Variants in PRH1 observed in about 807,000 individuals in gnomAD.
PRH1 encodes salivary acidic proline-rich phosphoprotein 1/2.
In PRH1, 7 loss-of-function variants were observed where a neutral mutation model predicts 7.9. The ratio of observed to expected loss-of-function variants is 0.89; its 90% CI spans 0.50 to 1.67. The LOEUF (loss-of-function observed/expected upper bound fraction) is 1.67. Ranked by LOEUF, PRH1 falls within the 40% of genes most tolerant of loss-of-function variation. The pLI, the probability that PRH1 is intolerant of heterozygous loss-of-function variation, is 0.00. For synonymous variants in PRH1, 45 were observed against 80.8 expected, an observed-to-expected ratio of 0.56 and a Z score of 2.38; for missense variants, 109 against 223.6, an observed-to-expected ratio of 0.49 and a Z score of 3.27.
chr12:10,967,443 G>T (rs530401917), intron 2 of PRH1, among the ~76,000 whole-genome samples: 6 of 152,276 alleles, frequency 3.9e-5, no homozygotes, highest in Middle Eastern at 6.8e-3. Flanking sequence ...GCAAGACGTG[G>T]AACATTGCAA....
chr12:10,945,423 G>A (rs904600394), intron 2 of PRH1, among the ~76,000 whole-genome samples: 1 of 152,132 alleles, frequency 6.6e-6, no homozygotes, highest in Non-Finnish European at 1.5e-5. Flanking sequence ...GACATCACAT[G>A]TTGGCAGGTT....
chr12:11,041,712 T>C (rs944657672), intron 1 of PRH1, among the ~76,000 whole-genome samples: 7 of 152,208 alleles, frequency 4.6e-5, no homozygotes, highest in African/African-American at 1.7e-4. Context: ...TTCTCAAGGA[T>C]AGACCATATG....
chr12:10,968,251 T>C (rs1450973858), intron 2 of PRH1, among the ~76,000 whole-genome samples: 1 of 152,268 alleles, frequency 6.6e-6, no homozygotes, highest in Non-Finnish European at 1.5e-5. Flanking sequence ...TCTTAAGCAA[T>C]GTATTTTAAA....
intron 1 of PRH1, among the ~76,000 whole-genome samples, chr12:11,149,107 G>C (rs1465416926): frequency 1.3e-5 from 2 of 151,600 alleles, no homozygotes; most frequent in African/African-American, 2.4e-5. Context: ...ATGGTAGTTT[G>C]TATTTCTGTG....
At chr12:10,886,407 G>T (rs547819296), upstream of PRH1, among the ~76,000 whole-genome samples, 2 of 152,200 alleles carry the variant, frequency 1.3e-5, no homozygotes, top group Non-Finnish European at 2.9e-5. Flanking sequence ...TCCTCCTAAA[G>T]GTCACTCAGC....
chr12:10,938,826 T>G, intron 2 of PRH1: 1 of 1,613,582 alleles, frequency 6.2e-7, no homozygotes, highest in Non-Finnish European at 8.5e-7. Flanking sequence ...AAAACCACCT[T>G]TTTAACCCTC....
chr12:11,016,618 G>A (rs1941308429), intron 1 of PRH1, among the ~76,000 whole-genome samples: 2 of 141,940 alleles, frequency 1.4e-5, no homozygotes, highest in South Asian at 4.6e-4. Flanking sequence ...GGGGACTGCG[G>A]GCATGAGCCA....
At chr12:10,896,442 A>C (rs1432154596) in intron 2 of PRH1, among the ~76,000 whole-genome samples, 1 of 152,178 alleles carries the variant, frequency 6.6e-6, no homozygotes, top group African/African-American at 2.4e-5. Flanking sequence ...CTGCTCTCTG[A>C]TATAATACCA....
At chr12:10,995,860 C>T (rs1591785281) in intron 1 of PRH1, among the ~76,000 whole-genome samples, 1 of 152,110 alleles carries the variant, frequency 6.6e-6, no homozygotes, top group Admixed American at 6.5e-5. Context: ...GTTTCTTCAT[C>T]CTTTTTATAG....
intron 1 of PRH1, among the ~76,000 whole-genome samples, chr12:11,148,512 G>C (rs1946945426): frequency 6.8e-6 from 1 of 147,408 alleles, no homozygotes; most frequent in East Asian, 2.0e-4. Flanking sequence ...GTTGAATTTT[G>C]TCAAAGGCCT....
At chr12:11,020,102 T>C (rs1464638942) in intron 1 of PRH1, among the ~76,000 whole-genome samples, 2 of 152,260 alleles carry the variant, frequency 1.3e-5, no homozygotes, top group Admixed American at 6.5e-5. Context: ...TGAGAAATGC[T>C]TCTTCTTCAA....
At chr12:10,996,828 A>C in intron 1 of PRH1, 2 of 911,912 alleles carry the variant, frequency 2.2e-6, no homozygotes, top group Non-Finnish European at 3.1e-6. Flanking sequence ...TTTCTATGTC[A>C]ACTTTTGGAA....
chr12:11,037,765 T>G (rs1385113620), intron 1 of PRH1, among the ~76,000 whole-genome samples: 1 of 152,224 alleles, frequency 6.6e-6, no homozygotes, highest in Non-Finnish European at 1.5e-5. Flanking sequence ...TTAGGTCAGG[T>G]GTGGTGGCTC....
chr12:11,031,548 G>A (rs1323467408), intron 1 of PRH1: 1 of 538,658 alleles, frequency 1.9e-6, no homozygotes. Flanking sequence ...CCGGGAGGAA[G>A]GCGACCCAGG....
At chr12:11,049,093 T>G, upstream of PRH1, 1 of 370,702 alleles carries the variant, frequency 2.7e-6, no homozygotes, top group Non-Finnish European at 5.1e-6. Context: ...AAACCAACTC[T>G]GGACACCACC....
In PRH1 at chr12:11,092,447, C is replaced by A. The variant is rs1944955540; in HGVS notation, n.124-45259G>T. 6.6e-6 allele frequency: 2 copies of A among 302,250 alleles called. 1 individual carries two copies. The highest frequency in any genetic ancestry group is 1.3e-5 in the Non-Finnish European group (2 of 153,066). 18.7% of individuals were successfully genotyped at this position (302,250 alleles called of 1,614,324 possible). On this transcript the variant is annotated intron_variant and non_coding_transcript_variant, in intron 1 of 4. Coordinates refer to the PRH1 transcript ENST00000541977. Reference sequence around the variant, plus strand: ...AAGCTTCCACAGAGTGAAAGGCAACCCAGGTAGGTTGCCGCGGCTGGCTGA... The same window carrying A: ...AAGCTTCCACAGAGTGAAAGGCAACACAGGTAGGTTGCCGCGGCTGGCTGA...
At chr12:11,099,436 T>G (rs1418080460) in intron 1 of PRH1, among the ~76,000 whole-genome samples, 2 of 151,812 alleles carry the variant, frequency 1.3e-5, no homozygotes, top group African/African-American at 4.8e-5. Context: ...CTTAGAAAAA[T>G]GAAATCCAGG....
chr12:10,947,001 TA>T (rs202107922), intron 2 of PRH1, among the ~76,000 whole-genome samples: 3,009 of 152,298 alleles, frequency 0.02, 34 homozygotes, highest in South Asian at 0.031. Flanking sequence ...GTGTGTTTGG[TA>T]TGATTTTGGT....
At chr12:11,132,515 G>A (rs1490107511) in intron 1 of PRH1, among the ~76,000 whole-genome samples, 2 of 151,798 alleles carry the variant, frequency 1.3e-5, no homozygotes, top group African/African-American at 4.8e-5. Flanking sequence ...TAATTGAAAA[G>A]CTGGAAGAAA....
Sources: gnomAD v4.1 joint callset for allele counts (sites outside exome capture counted in the v4.1 genomes callset) on GRCh38, gnomAD v4.1.1 for gene constraint, MANE v1.5 for transcripts, NCBI Gene and HGNC (gene_info 2026-07-23, HGNC 2026-07-21) for gene names.